LPIN3: variants seen among roughly 807,000 people sequenced by gnomAD.
LPIN3 encodes phosphatidate phosphatase LPIN3.
Under a neutral mutation model 94.7 loss-of-function variants are expected in LPIN3, and 82 were observed. The observed-to-expected ratio is 0.87, with a 90% confidence interval of 0.72 to 1.04. LPIN3 has a LOEUF of 1.04. LPIN3 is among the 50% of genes least tolerant of loss of function. The probability of loss-of-function intolerance (pLI) is 0.00; values close to 1 mark genes in which losing one functional copy is unlikely to be tolerated. For missense variants in LPIN3, 996 were observed against 1,090.5 expected (o/e 0.91, Z 1.22); for synonymous variants, 418 against 443.3 (o/e 0.94, Z 0.72).
rs961080530 is a variant in LPIN3 at position 41,359,070 on chromosome 20, A to G, written c.*204A>G. On this transcript the variant is annotated 3_prime_UTR_variant, in exon 20 of 20. Transcript: ENST00000373257. Reference sequence around the variant, plus strand: ...CTAAGCTGCAGCTGCTCCAGGCGTCAGTGTGGCACTGTCCTGGGGCAATTA... The same window carrying G: ...CTAAGCTGCAGCTGCTCCAGGCGTCGGTGTGGCACTGTCCTGGGGCAATTA... The G allele has an allele frequency of 1.8e-6, 1 of 540,726 alleles. No individual in the cohort carries two copies. The allele number at this position is 540,726 out of a possible 1,614,324, so 33.5% of individuals were successfully genotyped here.
intron 11 of LPIN3, 103 bp downstream of exon 11, chr20:41,352,970 G>A: frequency 1.5e-6 from 2 of 1,295,666 alleles, no homozygotes; most frequent in Non-Finnish European, 2.2e-6. Flanking sequence ...GATGGGCCTG[G>A]GAGCCAGGGG....
At chr20:41,348,589 C>T (rs1388827694) in intron 3 of LPIN3, 30 bp from the exon 4 acceptor site, 1 of 1,576,190 alleles carries the variant, frequency 6.3e-7, no homozygotes. Flanking sequence ...AGGGTCAGCC[C>T]CCGACCTCAG....
intron 8 of LPIN3, 63 bp downstream of exon 8, chr20:41,351,983 T>C (rs1327762482): frequency 6.2e-7 from 1 of 1,613,314 alleles, no homozygotes; most frequent in Non-Finnish European, 8.5e-7. Context: ...GGGTCCACTA[T>C]CAAGGGCCTG....
In LPIN3 at chr20:41,359,401, G is replaced by A. The variant is rs2046324941; in HGVS notation, c.*535G>A. Reference sequence around the variant, plus strand: ...TTTGCCCACCTCGGCCTCCCAAAGTGCTGGGATTACAGGCATGAGCTACCA... The same window carrying A: ...TTTGCCCACCTCGGCCTCCCAAAGTACTGGGATTACAGGCATGAGCTACCA... On this transcript the variant is annotated 3_prime_UTR_variant, in exon 20 of 20. Transcript: ENST00000373257. 1 of 152,272 alleles carries A rather than the reference G, an allele frequency of 6.6e-6. No individual in the cohort carries two copies. Among genetic ancestry groups the A allele is most frequent in the South Asian group, 2.1e-4 (1 of 4,828 alleles). 9.4% of individuals were successfully genotyped at this position (152,272 alleles called of 1,614,324 possible).
intron 11 of LPIN3, among the ~76,000 whole-genome samples, chr20:41,353,693 G>C (rs1347637196): frequency 6.6e-6 from 1 of 152,256 alleles, no homozygotes; most frequent in Non-Finnish European, 1.5e-5. Context: ...CTCCTGGGCA[G>C]TGCCAGCCTG....
intron 1 of LPIN3, 32 bp from the exon 2 acceptor site, chr20:41,345,764 C>T (rs1411674950): frequency 1.9e-6 from 3 of 1,584,056 alleles, no homozygotes; most frequent in Admixed American, 3.4e-5. Flanking sequence ...CTGGAGCAGA[C>T]CTTTGTGCAA....
rs1475470779 is a variant in LPIN3, at chr20:41,357,493, C to G, written c.2039+46C>G. ...TGGGGCTGAGGCGAGGCCCCCAGCT[C>G]TAGAGAGGGAGTGACAGGACAGGAC... On this transcript the variant is annotated intron_variant, in intron 16 of 19. Transcript: ENST00000373257. 2.0e-6 allele frequency: 3 copies of G among 1,516,060 alleles called. No homozygotes were observed. In the African/African-American group the frequency reaches 4.1e-5, roughly 21 times the overall value. 93.9% of individuals were successfully genotyped at this position (1,516,060 alleles called of 1,614,324 possible). A position where few individuals can be genotyped will look rare whatever the true frequency, so the allele number is the denominator to read the frequency against.
intron 13 of LPIN3, among the ~76,000 whole-genome samples, chr20:41,355,145 G>A (rs574455015): frequency 6.6e-6 from 1 of 152,258 alleles, no homozygotes; most frequent in Admixed American, 6.5e-5. Flanking sequence ...CTCCTGAGTA[G>A]CTGGGATTAC....
chr20:41,350,259 C>T lies in LPIN3; in HGVS notation c.964C>T (p.His322Tyr). 1 of 1,613,912 alleles carries T rather than the reference C, an allele frequency of 6.2e-7. No individual in the cohort carries two copies. Among genetic ancestry groups the T allele is most frequent in the Middle Eastern group, 1.7e-4 (1 of 6,058 alleles). ...EDPTLVGPPL[H>Y]TPETEESKTQ... ...TCCCACTCTAGTGGGTCCCCCTCTC[C>T]ACACCCCAGAGACAGAGGAAAGCAA... Residue 322 changes from histidine (H) to tyrosine (Y), a missense_variant, in exon 7 of 20, where the codon CAC becomes TAC. His to Tyr is a moderately conservative substitution (Grantham distance 83). Transcript: ENST00000373257.
rs1002809297 is a variant in LPIN3 at position 41,358,938 on chromosome 20, G to A, written c.*72G>A. 1.3e-6 allele frequency: 2 copies of A among 1,559,628 alleles called. No individual in the cohort carries two copies. Among genetic ancestry groups the A allele is most frequent in the Non-Finnish European group, 1.7e-6 (2 of 1,151,130 alleles). ...TAGGTGTCCTGGGGTATAGGAGGGTGGGAATTGGAGTGTCATGGGGCAAAC... is the reference window on the plus strand; with the variant it reads ...TAGGTGTCCTGGGGTATAGGAGGGTAGGAATTGGAGTGTCATGGGGCAAAC... On this transcript the variant is annotated 3_prime_UTR_variant, in exon 20 of 20. Transcript: ENST00000373257.
rs778377055 is a variant in LPIN3, at chr20:41,347,568, A to T, written c.209A>T (p.Asn70Ile). ...SREKVVDIELNGEPVDLHMKL... is the reference protein window; with the variant it reads ...SREKVVDIELIGEPVDLHMKL... ...CATTTGCAGGTAGACATTGAGCTCA[A>T]TGGGGAGCCTGTGGACTTGCACATG... Residue 70 changes from asparagine (N) to isoleucine (I), a missense_variant, in exon 3 of 20, where the codon AAT (asparagine) becomes ATT (isoleucine). By Grantham distance (149) the Asn-to-Ile change is moderately radical. Coordinates refer to ENST00000373257, the MANE Select transcript of LPIN3 (RefSeq NM_022896.3). The T allele has an allele frequency of 6.2e-7, 1 of 1,614,048 alleles. No homozygotes were observed. Among genetic ancestry groups the T allele is most frequent in the Non-Finnish European group, 8.5e-7 (1 of 1,180,018 alleles).
intron 17 of LPIN3, 31 bp downstream of exon 17, chr20:41,358,065 C>T: frequency 1.9e-6 from 3 of 1,572,942 alleles, no homozygotes; most frequent in Non-Finnish European, 2.6e-6. Flanking sequence ...AAGCCCGTGG[C>T]CCCCTGGTGG....
rs142924748 is a variant in LPIN3 at position 41,344,938 on chromosome 20, T to C, written c.-8-858T>C. ...GGGAAACTGGGAAGGAATTTGTAGTTTGGGGCCTTAAGCCCCCAGCTATAG... is the reference window on the plus strand; with the variant it reads ...GGGAAACTGGGAAGGAATTTGTAGTCTGGGGCCTTAAGCCCCCAGCTATAG... On this transcript the variant is annotated intron_variant, in intron 1 of 19. Transcript: ENST00000373257. 5.2e-3 allele frequency among the ~76,000 whole-genome samples: 786 copies of C among 152,328 alleles called. 7 individuals are homozygous for C. Among genetic ancestry groups the C allele is most frequent in the African/African-American group, 0.018 (739 of 41,586 alleles).
At chr20:41,348,995 G>A (rs2045896887) in intron 4 of LPIN3, 97 bp from the exon 5 acceptor site, 1 of 1,580,414 alleles carries the variant, frequency 6.3e-7, no homozygotes, top group Non-Finnish European at 8.6e-7. Context: ...CTGAGCAGTA[G>A]TTGCTTCACC....
rs1416385344 is a variant in LPIN3, at chr20:41,345,895, T to C, written c.92T>C (p.Ile31Thr). ...AACCCAGCCACACTGAGCGGCGGCA[T>C]TGACGTGCTGGTGGTGAAGCAGGTG... Reference protein sequence around the residue: ...GLNPATLSGGIDVLVVKQVDG... With the variant: ...GLNPATLSGGTDVLVVKQVDG... Residue 31 changes from isoleucine (I) to threonine (T), a missense_variant, in exon 2 of 20, where the codon ATT becomes ACT. Physicochemically the swap from Ile to Thr is moderately conservative, Grantham distance 89. Transcript: ENST00000373257. 4 of 1,614,066 alleles carry C rather than the reference T, an allele frequency of 2.5e-6. No individual in the cohort carries two copies. In the East Asian group the frequency reaches 6.7e-5, roughly 27 times the overall value.
chr20:41,358,267 C>T lies in LPIN3; in HGVS notation c.2223C>T (p.Phe741=). Residue 741 remains phenylalanine, a synonymous_variant, in exon 18 of 20, where the codon TTC becomes TTT. Transcript: ENST00000373257. ...TGATCGAGAAGAAACCAGAGGTGTTCAAGGTCGCCTGCCTGAGTGACATCC... is the reference window on the plus strand; with the variant it reads ...TGATCGAGAAGAAACCAGAGGTGTTTAAGGTCGCCTGCCTGAGTGACATCC... ...REVIEKKPEV[F]KVACLSDIQQ... 1 of 1,614,092 alleles carries T rather than the reference C, an allele frequency of 6.2e-7. No individual in the cohort carries two copies. The highest frequency in any genetic ancestry group is 1.1e-5 in the South Asian group (1 of 91,082).
In LPIN3 at chr20:41,352,041, T is replaced by C; in HGVS notation, c.1203-19T>C. On this transcript the variant is annotated intron_variant, in intron 8 of 19. Coordinates refer to ENST00000373257, the MANE Select transcript of LPIN3 (RefSeq NM_022896.3). ...CGCCCTCCTCGTATTCTTGTCATTG[T>C]TGGCCCCTTTGCCTGCAGTGACTCT... 1 of 1,614,160 alleles carries C rather than the reference T, an allele frequency of 6.2e-7. No individual in the cohort carries two copies. Among genetic ancestry groups the C allele is most frequent in the Non-Finnish European group, 8.5e-7 (1 of 1,180,026 alleles).
chr20:41,354,927 G>T (rs1255572049), intron 13 of LPIN3, 64 bp downstream of exon 13: 16 of 1,503,902 alleles, frequency 1.1e-5, no homozygotes. Flanking sequence ...CTGGGTGCAG[G>T]TGGGTGGCAG....
chr20:41,349,158 G>GC lies in LPIN3; in HGVS notation c.631dup (p.Gln211ProfsTer8), dbSNP rs554789813. ...TCTACCCCTACTCGGATGGCGAGTG[G>GC]CCCCCCCAGGCCAGGTAAGAGTCCA... is the stretch of plus-strand genomic sequence containing the variant. On this transcript the variant is annotated frameshift_variant, in exon 5 of 20. Transcript: ENST00000373257. LOFTEE classifies it high-confidence loss of function. The GC allele has an allele frequency of 8.0e-5, 129 of 1,613,848 alleles. No individual in the cohort carries two copies. Among genetic ancestry groups the GC allele is most frequent in the South Asian group, 2.7e-4 (25 of 91,054 alleles).
Sources: gnomAD v4.1 joint callset for allele counts (sites outside exome capture counted in the v4.1 genomes callset) on GRCh38, gnomAD v4.1.1 for gene constraint, MANE v1.5 for transcripts, NCBI Gene and HGNC (gene_info 2026-07-23, HGNC 2026-07-21) for gene names.